Variants in TMEM120B observed in about 807,000 individuals in gnomAD.
TMEM120B encodes the protein transmembrane protein 120B.
In TMEM120B, 31 loss-of-function variants were observed where a neutral mutation model predicts 55.5. The ratio of observed to expected loss-of-function variants is 0.56; its 90% CI spans 0.42 to 0.75. The LOEUF is 0.75. Among genes scored for constraint, TMEM120B ranks in the 30% least tolerant of loss-of-function variants. The pLI is 0.00. For synonymous variants in TMEM120B, 203 were observed against 176.3 expected (o/e 1.15, Z -1.20); for missense variants, 399 against 425.5 (o/e 0.94, Z 0.55).
rs1874346167 is a variant in TMEM120B, at chr12:121,779,128, C to A, written c.*3406C>A. 4.8e-6 allele frequency: 1 copy of A among 207,556 alleles called. No individual in the cohort carries two copies. The highest frequency in any genetic ancestry group is 2.3e-5 in the African/African-American group (1 of 44,196). The allele number at this position is 207,556 out of a possible 1,614,324, so 12.9% of individuals were successfully genotyped here. A position where few individuals can be genotyped will look rare whatever the true frequency, so the allele number is the denominator to read the frequency against. Reference sequence around the variant, plus strand: ...CACAGGAGTGGCAGGCTTGGGGCGCCCGCGTGGAACAGTGCCAGGTCTACG... The same window carrying A: ...CACAGGAGTGGCAGGCTTGGGGCGCACGCGTGGAACAGTGCCAGGTCTACG... On this transcript the variant is annotated 3_prime_UTR_variant, in exon 12 of 12. Transcript: ENST00000449592.
intron 1 of TMEM120B, among the ~76,000 whole-genome samples, chr12:121,726,165 G>T (rs781189565): frequency 5.3e-5 from 8 of 152,078 alleles, no homozygotes; most frequent in Non-Finnish European, 1.0e-4. Flanking sequence ...GTGATAGAAG[G>T]TTCTAACACG....
chr12:121,765,596 A>G (rs1205838621), intron 6 of TMEM120B, among the ~76,000 whole-genome samples: 3 of 152,188 alleles, frequency 2.0e-5, no homozygotes, highest in Non-Finnish European at 2.9e-5. Context: ...TAGATGCATT[A>G]TCTTCTATTT....
intron 1 of TMEM120B, among the ~76,000 whole-genome samples, chr12:121,735,167 C>G (rs1234002888): frequency 2.5e-5 from 3 of 122,382 alleles, no homozygotes; most frequent in African/African-American, 9.6e-5. Flanking sequence ...GCCTGGGCAA[C>G]AGAGCAAGAC....
Position 121,766,136 on chromosome 12 carries a change from G to A in TMEM120B, c.551+4398G>A, listed in dbSNP as rs192540293. ...CTGCCCTGTTTTGTCTGATGGAGGCGCTTTTGTCCAGTTCTGGCTGCACCT... is the reference window on the plus strand; with the variant it reads ...CTGCCCTGTTTTGTCTGATGGAGGCACTTTTGTCCAGTTCTGGCTGCACCT... On this transcript the variant is annotated intron_variant, in intron 6 of 11. Transcript: ENST00000449592. Among the ~76,000 whole-genome samples the A allele has an allele frequency of 9.2e-5, 14 of 152,194 alleles. No individual in the cohort carries two copies. The East Asian group carries it at 1.5e-3, about 17-fold the overall frequency.
At chr12:121,758,355 C>T (rs946268299) in intron 5 of TMEM120B, 2 of 985,394 alleles carry the variant, frequency 2.0e-6, no homozygotes, top group Non-Finnish European at 2.4e-6. Context: ...CTCCACAGCC[C>T]GGGTCTGTCG....
rs1223630423 is a variant in TMEM120B at position 121,729,919 on chromosome 12, T to C, written c.70-13710T>C. On this transcript the variant is annotated intron_variant, in intron 1 of 11. Coordinates refer to ENST00000449592, the MANE Select transcript of TMEM120B (RefSeq NM_001080825.2). Reference sequence around the variant, plus strand: ...TTCCATCCATCAGTGGAGGCGTGGATAAATAAAATGTGGCTCGTCCATATA... The same window carrying C: ...TTCCATCCATCAGTGGAGGCGTGGACAAATAAAATGTGGCTCGTCCATATA... 2.0e-5 allele frequency among the ~76,000 whole-genome samples: 3 copies of C among 151,932 alleles called. No homozygotes were observed. In the East Asian group the frequency reaches 5.8e-4, roughly 29 times the overall value.
chr12:121,758,286 G>T, intron 5 of TMEM120B: 2 of 985,504 alleles, frequency 2.0e-6, no homozygotes, highest in Non-Finnish European at 2.4e-6. Context: ...GGCCAGTGGG[G>T]CTCTGATAAT....
intron 1 of TMEM120B, among the ~76,000 whole-genome samples, chr12:121,740,030 T>C (rs1592932479): frequency 6.6e-6 from 1 of 151,978 alleles, no homozygotes; most frequent in South Asian, 2.1e-4. Flanking sequence ...CGGCCCATCT[T>C]GGCCTCCCAA....
chr12:121,766,591 T>A (rs1052077650), intron 6 of TMEM120B, among the ~76,000 whole-genome samples: 1 of 152,176 alleles, frequency 6.6e-6, no homozygotes, highest in Non-Finnish European at 1.5e-5. Flanking sequence ...GGTGACCTAC[T>A]GATCTCTGAG....
At chr12:121,720,801 C>T (rs993297018) in intron 1 of TMEM120B, among the ~76,000 whole-genome samples, 31 of 152,164 alleles carry the variant, frequency 2.0e-4, no homozygotes, top group Admixed American at 3.3e-4. Context: ...GCGGTATGGC[C>T]CTATTGCAGT....
intron 5 of TMEM120B, among the ~76,000 whole-genome samples, chr12:121,754,317 C>T (rs1254474963): frequency 1.3e-5 from 2 of 152,252 alleles, no homozygotes; most frequent in African/African-American, 4.8e-5. Flanking sequence ...CCAGGGCCCT[C>T]CGAAGGCAAA....
At position 121,775,333 on chromosome 12, in the gene TMEM120B, G is replaced by A; in HGVS notation, c.906+203G>A. The A allele has an allele frequency of 1.2e-6, 1 of 808,626 alleles. No individual in the cohort carries two copies. Among genetic ancestry groups the A allele is most frequent in the Non-Finnish European group, 1.5e-6 (1 of 668,758 alleles). The allele number at this position is 808,626 out of a possible 1,614,324, so 50.1% of individuals were successfully genotyped here. A position where few individuals can be genotyped will look rare whatever the true frequency, so the allele number is the denominator to read the frequency against. On this transcript the variant is annotated intron_variant, in intron 11 of 11. Coordinates refer to ENST00000449592, the MANE Select transcript of TMEM120B (RefSeq NM_001080825.2). This position sits in a 1 kb window ranked among gnomAD's most constrained non-coding sequence, Gnocchi z 4.3. Reference sequence around the variant, plus strand: ...GGCTGGCAGGTGTGGGGTGTTGTGGGGGGCCTGCTTGGCGGGAGGCTTCTG... The same window carrying A: ...GGCTGGCAGGTGTGGGGTGTTGTGGAGGGCCTGCTTGGCGGGAGGCTTCTG...
At chr12:121,743,519 C>A in intron 1 of TMEM120B, 110 bp from the exon 2 acceptor site, 1 of 774,556 alleles carries the variant, frequency 1.3e-6, no homozygotes, top group South Asian at 1.6e-5. Flanking sequence ...GATCATGCCA[C>A]TGCACTCCAG....
chr12:121,737,076 C>G (rs1185626509), intron 1 of TMEM120B, among the ~76,000 whole-genome samples: 1 of 152,168 alleles, frequency 6.6e-6, no homozygotes. Context: ...GACTTTTTCT[C>G]AGAAGTTATG....
intron 1 of TMEM120B, among the ~76,000 whole-genome samples, chr12:121,721,500 T>C (rs1348234878): frequency 2.0e-5 from 3 of 150,100 alleles, no homozygotes; most frequent in Non-Finnish European, 4.4e-5. Flanking sequence ...ACCAAGAGTT[T>C]CACTCTTGTT....
intron 6 of TMEM120B, among the ~76,000 whole-genome samples, chr12:121,768,385 G>A (rs1342349262): frequency 6.6e-6 from 1 of 152,268 alleles, no homozygotes; most frequent in East Asian, 1.9e-4. Context: ...TAACTCCTGG[G>A]GAACACACAG....
At chr12:121,729,116 CA>C (rs541041197) in intron 1 of TMEM120B, among the ~76,000 whole-genome samples, 15 of 152,118 alleles carry the variant, frequency 9.9e-5, no homozygotes, top group Non-Finnish European at 1.6e-4. Context: ...ATGGGTACCG[CA>C]AAAAACTATG....
chr12:121,769,575 A>G (rs1873962660), intron 6 of TMEM120B, among the ~76,000 whole-genome samples: 2 of 152,036 alleles, frequency 1.3e-5, no homozygotes, highest in South Asian at 4.1e-4. Flanking sequence ...GTGGTGGCGC[A>G]CGCCTGTGAT....
At chr12:121,718,321 AAAACAAAC>A (rs532644088) in intron 1 of TMEM120B, among the ~76,000 whole-genome samples, 1 of 152,124 alleles carries the variant, frequency 6.6e-6, no homozygotes, top group South Asian at 2.1e-4. Flanking sequence ...CCATCACTAT[AAAACAAAC>A]AAACAAACAA....
Sources: allele counts gnomAD v4.1 joint callset (sites outside exome capture counted in the v4.1 genomes callset), GRCh38; gene constraint gnomAD v4.1.1; non-coding constraint Gnocchi (gnomAD v3.1); transcripts MANE v1.5; gene names NCBI Gene and HGNC (gene_info 2026-07-23, HGNC 2026-07-21).